The following MSRB3 variants were observed in gnomAD, a reference collection of about 807,000 sequenced individuals.
MSRB3 encodes the protein methionine sulfoxide reductase B3.
MSRB3 carries 13 observed loss-of-function variants against 21.0 expected under a neutral mutation model. The observed-to-expected ratio is 0.62, with a 90% confidence interval of 0.40 to 0.98. The LOEUF (loss-of-function observed/expected upper bound fraction) is 0.98. Ranked by LOEUF, MSRB3 falls within the 50% of genes least tolerant of loss-of-function variation. MSRB3 has a pLI of 0.00. For missense variants in MSRB3, 199 were observed against 230.3 expected, an observed-to-expected ratio of 0.86 and a Z score of 0.88; for synonymous variants, 87 against 88.6, an observed-to-expected ratio of 0.98 and a Z score of 0.10.
At chr12:65,406,646 AAGG>A (rs1271409092) in intron 5 of MSRB3, among the ~76,000 whole-genome samples, 4 of 152,208 alleles carry the variant, frequency 2.6e-5, no homozygotes, top group African/African-American at 9.6e-5. Context: ...TCTTGAGCAA[AAGG>A]AACAAAGATT....
rs10657740 is a variant in MSRB3, at chr12:65,463,831, AT to A, written c.*520del. 8.0e-4 allele frequency: 123 copies of A among 152,882 alleles called. No homozygotes were observed. Among genetic ancestry groups the A allele is most frequent in the South Asian group, 2.8e-3 (14 of 5,068 alleles). The allele number at this position is 152,882 out of a possible 1,614,324, so 9.5% of individuals were successfully genotyped here. A position where few individuals can be genotyped will look rare whatever the true frequency, so the allele number is the denominator to read the frequency against. On this transcript the variant is annotated 3_prime_UTR_variant, in exon 7 of 7. Coordinates refer to ENST00000308259, the MANE Select transcript of MSRB3 (RefSeq NM_001031679.3). ...TTTGTGGAAAGTTTGAGCTAAGGTC[AT>A]TTTTTTTTTTCTCACTGAAAGGGTG...
intron 5 of MSRB3, among the ~76,000 whole-genome samples, chr12:65,373,826 G>A (rs1307422678): frequency 1.3e-5 from 2 of 152,018 alleles, no homozygotes; most frequent in East Asian, 1.9e-4. Context: ...GAGGGAGGGC[G>A]GAATCCAAGG....
chr12:65,352,913 C>A (rs1877118628), intron 4 of MSRB3, among the ~76,000 whole-genome samples: 1 of 151,710 alleles, frequency 6.6e-6, no homozygotes, highest in Non-Finnish European at 1.5e-5. Context: ...AGATTCAATG[C>A]CATCCCCATA....
chr12:65,399,198 G>A (rs375425192), intron 5 of MSRB3, among the ~76,000 whole-genome samples: 15 of 152,136 alleles, frequency 9.9e-5, no homozygotes, highest in South Asian at 8.3e-4. Flanking sequence ...ACTTTGAGCC[G>A]TACGGCCATT....
intron 4 of MSRB3, among the ~76,000 whole-genome samples, chr12:65,364,302 T>G (rs1420917883): frequency 6.6e-6 from 1 of 152,168 alleles, no homozygotes; most frequent in Non-Finnish European, 1.5e-5. Flanking sequence ...GAAATATGTC[T>G]GTGTGCCCAC....
intron 4 of MSRB3, among the ~76,000 whole-genome samples, chr12:65,358,706 A>G (rs1277533806): frequency 6.6e-6 from 1 of 151,946 alleles, no homozygotes; most frequent in Non-Finnish European, 1.5e-5. Context: ...CAAAATCTGA[A>G]TGGTAGGTGG....
chr12:65,375,121 A>T (rs182086510), intron 5 of MSRB3, among the ~76,000 whole-genome samples: 4 of 151,878 alleles, frequency 2.6e-5, no homozygotes, highest in Non-Finnish European at 5.9e-5. Context: ...CTGGGATTAC[A>T]GGCGTGAGCC....
intron 5 of MSRB3, among the ~76,000 whole-genome samples, chr12:65,401,268 A>G (rs545358658): frequency 6.6e-6 from 1 of 152,156 alleles, no homozygotes; most frequent in African/African-American, 2.4e-5. Flanking sequence ...GGTCTCTAAG[A>G]ACTTGCTTTA....
intron 2 of MSRB3, among the ~76,000 whole-genome samples, chr12:65,313,040 A>G (rs1054335107): frequency 5.3e-5 from 8 of 152,138 alleles, no homozygotes; most frequent in African/African-American, 1.4e-4. Context: ...ACAAAAAACA[A>G]AAGTGGCAAC....
At position 65,293,317 on chromosome 12, in the gene MSRB3, GT is replaced by G. The variant is rs1872763845; in HGVS notation, c.-52+14455del. ...CCTTTTAGTCATGTTTCTCTTTTTAGTTTGCAGATTTGATTATGTTCTCCTT... is the reference window on the plus strand; with the variant it reads ...CCTTTTAGTCATGTTTCTCTTTTTAGTTGCAGATTTGATTATGTTCTCCTT... On this transcript the variant is annotated intron_variant, in intron 1 of 6. Transcript: ENST00000308259. 3.3e-5 allele frequency among the ~76,000 whole-genome samples: 5 copies of G among 152,122 alleles called. No individual in the cohort carries two copies. In the South Asian group the frequency reaches 1.0e-3, roughly 32 times the overall value.
intron 5 of MSRB3, among the ~76,000 whole-genome samples, chr12:65,375,146 A>G (rs1326748857): frequency 6.6e-6 from 1 of 151,886 alleles, no homozygotes; most frequent in Non-Finnish European, 1.5e-5. Context: ...CGCCCGGCCT[A>G]TATCAATCTT....
intron 6 of MSRB3, among the ~76,000 whole-genome samples, chr12:65,459,858 A>G (rs931656716): frequency 6.6e-6 from 1 of 152,172 alleles, no homozygotes; most frequent in Non-Finnish European, 1.5e-5. Flanking sequence ...ATTATGTTAA[A>G]CTTGATGCTC....
rs190051840 is a variant in MSRB3, at chr12:65,359,362, C to G, written c.264-9636C>G. Among the ~76,000 whole-genome samples, 38 of 152,032 alleles carry G rather than the reference C, an allele frequency of 2.5e-4. No individual in the cohort carries two copies. The South Asian group carries it at 7.3e-3, about 29-fold the overall frequency. ...TCAGTAATTGTGTCTAGAACTAGCCCGCTAGCCATAACTTCTATTATTCTA... is the reference window on the plus strand; with the variant it reads ...TCAGTAATTGTGTCTAGAACTAGCCGGCTAGCCATAACTTCTATTATTCTA... On this transcript the variant is annotated intron_variant, in intron 4 of 6. Coordinates refer to ENST00000308259, the MANE Select transcript of MSRB3 (RefSeq NM_001031679.3).
intron 5 of MSRB3, among the ~76,000 whole-genome samples, chr12:65,450,484 C>A (rs1009234545): frequency 1.3e-5 from 2 of 151,974 alleles, no homozygotes; most frequent in Admixed American, 1.3e-4. Context: ...GATAATAGGC[C>A]TAATCCAATC....
chr12:65,347,079 G>T (rs559606521), intron 4 of MSRB3, among the ~76,000 whole-genome samples: 1 of 152,124 alleles, frequency 6.6e-6, no homozygotes, highest in Non-Finnish European at 1.5e-5. Context: ...CTCTGTTTTG[G>T]TTCCATATGA....
chr12:65,283,361 G>T (rs1046412638), intron 1 of MSRB3, among the ~76,000 whole-genome samples: 3 of 151,926 alleles, frequency 2.0e-5, no homozygotes, highest in African/African-American at 7.3e-5. Flanking sequence ...ATATTGTCTT[G>T]TGTTGTAGTT....
intron 5 of MSRB3, among the ~76,000 whole-genome samples, chr12:65,416,477 G>T (rs150570011): frequency 2.4e-4 from 36 of 152,284 alleles, no homozygotes; most frequent in African/African-American, 8.2e-4. Flanking sequence ...TTGTCATTGT[G>T]TGAACATTGG....
intron 5 of MSRB3, among the ~76,000 whole-genome samples, chr12:65,385,954 G>A (rs939396123): frequency 6.6e-6 from 1 of 151,626 alleles, no homozygotes; most frequent in African/African-American, 2.4e-5. Context: ...TAAATATTGG[G>A]AATTAATTAA....
At chr12:65,421,014 C>T (rs1398313920) in intron 5 of MSRB3, among the ~76,000 whole-genome samples, 1 of 152,086 alleles carries the variant, frequency 6.6e-6, no homozygotes, top group African/African-American at 2.4e-5. Flanking sequence ...ATGGTAGTTC[C>T]ACTTTTAGCT....
Sources: gnomAD v4.1 joint callset for allele counts (sites outside exome capture counted in the v4.1 genomes callset) on GRCh38, gnomAD v4.1.1 for gene constraint, MANE v1.5 for transcripts, NCBI Gene and HGNC (gene_info 2026-07-23, HGNC 2026-07-21) for gene names.